Variants in CAMKMT observed in about 807,000 individuals in gnomAD.
The protein encoded by CAMKMT is CaM KMT.
A neutral mutation model predicts 48.0 loss-of-function variants in CAMKMT; 53 were observed. The ratio of observed to expected loss-of-function variants is 1.10; its 90% CI spans 0.89 to 1.39. The LOEUF (loss-of-function observed/expected upper bound fraction) is 1.39, where lower values mean the gene tolerates loss of function less well. Among genes scored for constraint, CAMKMT ranks in the 40% most tolerant of loss-of-function variants. The probability of loss-of-function intolerance (pLI) is 0.00; values close to 1 mark genes in which losing one functional copy is unlikely to be tolerated. For synonymous variants in CAMKMT, 165 were observed against 152.3 expected (o/e 1.08, Z -0.61); for missense variants, 428 against 402.7 (o/e 1.06, Z -0.54).
chr2:44,567,545 C>T (rs1374776983), intron 3 of CAMKMT, among the ~76,000 whole-genome samples: 2 of 152,166 alleles, frequency 1.3e-5, no homozygotes, highest in African/African-American at 4.8e-5. Context: ...GTAACAGTTT[C>T]CATACAAATG....
At chr2:44,687,121 AT>A (rs1376905224) in intron 3 of CAMKMT, among the ~76,000 whole-genome samples, 1 of 152,172 alleles carries the variant, frequency 6.6e-6, no homozygotes, top group Admixed American at 6.5e-5. Flanking sequence ...ACATAATTCA[AT>A]TTTTTTATCA....
intron 3 of CAMKMT, among the ~76,000 whole-genome samples, chr2:44,532,861 G>A (rs1666564861): frequency 6.6e-6 from 1 of 150,926 alleles, no homozygotes; most frequent in South Asian, 2.1e-4. Context: ...CACCCAGGCT[G>A]GAGTACAGTG....
chr2:44,662,726 G>C (rs979434496), intron 3 of CAMKMT, among the ~76,000 whole-genome samples: 1 of 152,018 alleles, frequency 6.6e-6, no homozygotes, highest in Non-Finnish European at 1.5e-5. Context: ...ACCATGCCAG[G>C]TTAAATTTTA....
intron 3 of CAMKMT, among the ~76,000 whole-genome samples, chr2:44,420,804 A>G (rs965580621): frequency 5.9e-5 from 9 of 151,600 alleles, no homozygotes; most frequent in Non-Finnish European, 1.2e-4. Flanking sequence ...TTCATAGCCT[A>G]TATTCCACTA....
intron 3 of CAMKMT, among the ~76,000 whole-genome samples, chr2:44,573,791 T>C (rs1173003413): frequency 6.6e-6 from 1 of 152,196 alleles, no homozygotes; most frequent in Non-Finnish European, 1.5e-5. Flanking sequence ...GGATATTCAT[T>C]TGTTCAAACC....
In CAMKMT at chr2:44,632,554, A is replaced by G. The variant is rs567737282; in HGVS notation, c.377-71729A>G. On this transcript the variant is annotated intron_variant, in intron 3 of 10. Transcript: ENST00000378494. ...TTTTTGTGTGACAAGAGCAACTAAA[A>G]TCCTACATATCTAACAAAAATCCCT... 7.2e-5 allele frequency among the ~76,000 whole-genome samples: 11 copies of G among 152,324 alleles called. No homozygotes were observed. The South Asian group carries it at 2.1e-3, about 29-fold the overall frequency.
intron 3 of CAMKMT, among the ~76,000 whole-genome samples, chr2:44,409,491 C>T (rs949044659): frequency 1.3e-5 from 2 of 151,956 alleles, no homozygotes; most frequent in African/African-American, 2.4e-5. Context: ...GATGTTATTG[C>T]GTTATCACAA....
At chr2:44,481,995 A>T (rs1475597695) in intron 3 of CAMKMT, among the ~76,000 whole-genome samples, 1 of 152,104 alleles carries the variant, frequency 6.6e-6, no homozygotes, top group Admixed American at 6.6e-5. Context: ...ATTTAACAAT[A>T]GTAAACTTTA....
chr2:44,472,586 A>G (rs1225642599), intron 3 of CAMKMT, among the ~76,000 whole-genome samples: 9 of 152,206 alleles, frequency 5.9e-5, no homozygotes, highest in Admixed American at 4.6e-4. Flanking sequence ...ACAAAAATTT[A>G]TGGATGATAC....
chr2:44,720,952 C>G (rs572618893), intron 7 of CAMKMT, among the ~76,000 whole-genome samples: 1 of 151,808 alleles, frequency 6.6e-6, no homozygotes, highest in Non-Finnish European at 1.5e-5. Flanking sequence ...GTTTTTTCTT[C>G]GATTATATTT....
intron 4 of CAMKMT, chr2:44,705,562 C>A: frequency 1.0e-6 from 1 of 981,062 alleles, no homozygotes. Context: ...CCACCCTAGA[C>A]TGTCAGCTTT....
chr2:44,706,230 C>A (rs1677551830), intron 4 of CAMKMT, 57 bp from the exon 5 acceptor site: 7 of 1,573,766 alleles, frequency 4.4e-6, no homozygotes, highest in South Asian at 1.1e-5. Context: ...ATATATCTCT[C>A]TCTGACCATT....
intron 3 of CAMKMT, among the ~76,000 whole-genome samples, chr2:44,633,838 A>C (rs561492563): frequency 6.6e-6 from 1 of 152,084 alleles, no homozygotes; most frequent in East Asian, 1.9e-4. Context: ...TGAACATTAC[A>C]TTGTTGAGGG....
intron 3 of CAMKMT, among the ~76,000 whole-genome samples, chr2:44,538,958 C>CTG (rs57970764): frequency 0.01 from 1,461 of 140,172 alleles, 10 homozygotes; most frequent in East Asian, 0.016. Flanking sequence ...GTGTGTGTGT[C>CTG]TGTGTGTGTG....
At chr2:44,500,250 A>G (rs1669943366) in intron 3 of CAMKMT, among the ~76,000 whole-genome samples, 1 of 152,204 alleles carries the variant, frequency 6.6e-6, no homozygotes, top group South Asian at 2.1e-4. Context: ...AAGTTCTTCC[A>G]TATCAGACTA....
intron 9 of CAMKMT, among the ~76,000 whole-genome samples, chr2:44,763,482 T>C (rs960983330): frequency 3.9e-5 from 6 of 152,258 alleles, no homozygotes; most frequent in African/African-American, 1.4e-4. Flanking sequence ...GAGTGCTTAC[T>C]ATGTGCTAGG....
At chr2:44,663,420 CAAAT>C (rs1428893002) in intron 3 of CAMKMT, among the ~76,000 whole-genome samples, 3 of 152,200 alleles carry the variant, frequency 2.0e-5, no homozygotes, top group Non-Finnish European at 4.4e-5. Flanking sequence ...AAAACCAAAA[CAAAT>C]AAATCAGTCT....
At chr2:44,713,256 CCACTAA>C (rs1677980461) in intron 6 of CAMKMT, among the ~76,000 whole-genome samples, 2 of 152,090 alleles carry the variant, frequency 1.3e-5, no homozygotes, top group Admixed American at 1.3e-4. Context: ...AGTATTACCT[CCACTAA>C]CAAAATAATA....
In CAMKMT at chr2:44,414,213, T is replaced by C. The variant is rs1220133881; in HGVS notation, c.376+23908T>C. 3.9e-5 allele frequency among the ~76,000 whole-genome samples: 6 copies of C among 152,220 alleles called. No homozygotes were observed. The South Asian group carries it at 1.2e-3, about 32-fold the overall frequency. ...CAAAGGAAAGAAAATATTATCTCCATGTATTATTTATTGCTATATAGCACA... is the reference window on the plus strand; with the variant it reads ...CAAAGGAAAGAAAATATTATCTCCACGTATTATTTATTGCTATATAGCACA... On this transcript the variant is annotated intron_variant, in intron 3 of 10. Coordinates refer to ENST00000378494, the MANE Select transcript of CAMKMT (RefSeq NM_024766.5).
Sources: gnomAD v4.1 joint callset for allele counts (sites outside exome capture counted in the v4.1 genomes callset) on GRCh38, gnomAD v4.1.1 for gene constraint, MANE v1.5 for transcripts, NCBI Gene and HGNC (gene_info 2026-07-23, HGNC 2026-07-21) for gene names.